ROBO2: variants seen among roughly 807,000 people sequenced by gnomAD.
The protein encoded by ROBO2 is roundabout homolog 2.
In ROBO2, 53 loss-of-function variants were observed where a neutral mutation model predicts 160.8. That is an observed-to-expected ratio of 0.33 (90% CI 0.26 to 0.41). The LOEUF is 0.41. Ranked by LOEUF, ROBO2 falls within the 10% of genes least tolerant of loss-of-function variation. The pLI is 1.00. For missense variants in ROBO2, 1,577 were observed against 1,722.4 expected (o/e 0.92, Z 1.49); for synonymous variants, 664 against 611.7 (o/e 1.09, Z -1.26).
chr3:76,684,419 A>G (rs1453931311), intron 2 of ROBO2, among the ~76,000 whole-genome samples: 1 of 152,128 alleles, frequency 6.6e-6, no homozygotes, highest in Non-Finnish European at 1.5e-5. Flanking sequence ...AGTTAATTCT[A>G]CTTCAATCCC....
intron 2 of ROBO2, among the ~76,000 whole-genome samples, chr3:77,426,380 C>A (rs2078207484): frequency 6.6e-6 from 1 of 151,948 alleles, no homozygotes; most frequent in African/African-American, 2.4e-5. Context: ...AGATGAGTTC[C>A]ACTTTGTATT....
At chr3:77,628,742 A>G (rs978246326) in intron 23 of ROBO2, among the ~76,000 whole-genome samples, 2 of 152,212 alleles carry the variant, frequency 1.3e-5, no homozygotes, top group Non-Finnish European at 2.9e-5. Flanking sequence ...AAAGAGAAGG[A>G]GAGAGAAAAT....
chr3:76,154,200 C>T (rs1051501175), intron 2 of ROBO2, among the ~76,000 whole-genome samples: 5 of 152,048 alleles, frequency 3.3e-5, no homozygotes, highest in Non-Finnish European at 5.9e-5. Context: ...CAGCAGCTTC[C>T]TCAGAAAAAG....
chr3:77,289,402 T>A (rs1463098773), intron 2 of ROBO2, among the ~76,000 whole-genome samples: 1 of 124,106 alleles, frequency 8.1e-6, no homozygotes, highest in South Asian at 2.7e-4. Flanking sequence ...AAAATTGACG[T>A]TTAAACGGGG....
At chr3:77,365,087 G>C (rs1265471785) in intron 2 of ROBO2, among the ~76,000 whole-genome samples, 1 of 150,622 alleles carries the variant, frequency 6.6e-6, no homozygotes, top group East Asian at 2.0e-4. Context: ...GGAGGTTGCA[G>C]TGAGCTGAGA....
chr3:76,925,224 A>AT (rs1274216655), intron 2 of ROBO2, among the ~76,000 whole-genome samples: 12 of 101,928 alleles, frequency 1.2e-4, no homozygotes, highest in South Asian at 1.1e-3. Context: ...AAAAAAAAAA[A>AT]AAAAAAATCT....
intron 2 of ROBO2, among the ~76,000 whole-genome samples, chr3:76,170,138 T>C (rs181192139): frequency 1.7e-3 from 264 of 152,212 alleles, no homozygotes; most frequent in Middle Eastern, 6.8e-3. Flanking sequence ...TTTTCTTCAG[T>C]CATTTTAAAG....
chr3:77,378,882 T>G (rs1012417263), intron 2 of ROBO2, among the ~76,000 whole-genome samples: 1 of 152,116 alleles, frequency 6.6e-6, no homozygotes, highest in African/African-American at 2.4e-5. Flanking sequence ...TGGCCATGCT[T>G]TCCCCAACCC....
At chr3:77,140,228 T>C (rs2076597400) in intron 2 of ROBO2, among the ~76,000 whole-genome samples, 1 of 152,180 alleles carries the variant, frequency 6.6e-6, no homozygotes, top group African/African-American at 2.4e-5. Context: ...TTCTTAAACC[T>C]AGCTGAGTTT....
At chr3:77,599,138 C>T (rs1449745940) in intron 19 of ROBO2, among the ~76,000 whole-genome samples, 6 of 151,982 alleles carry the variant, frequency 3.9e-5, no homozygotes, top group Non-Finnish European at 8.8e-5. Context: ...TGACTGTATC[C>T]CTTATCCATG....
intron 2 of ROBO2, among the ~76,000 whole-genome samples, chr3:76,253,588 A>T (rs1173256919): frequency 6.7e-6 from 1 of 150,306 alleles, no homozygotes; most frequent in Non-Finnish European, 1.5e-5. Flanking sequence ...GTAATATCTA[A>T]GATATTATCT....
At position 76,910,357 on chromosome 3, in the gene ROBO2, T is replaced by A. The variant is rs149699364; in HGVS notation, c.110-187657T>A. ...GGCTATTCAAATTCTTCTTTTTTTT[T>A]ATACACTTATGAAATGATGAGAAAG... On this transcript the variant is annotated intron_variant, in intron 2 of 26. Coordinates refer to the ROBO2 transcript ENST00000487694. 4.0e-3 allele frequency among the ~76,000 whole-genome samples: 609 copies of A among 152,182 alleles called. 6 individuals carry two copies. Among genetic ancestry groups the A allele is most frequent in the African/African-American group, 0.013 (535 of 41,444 alleles).
intron 2 of ROBO2, among the ~76,000 whole-genome samples, chr3:76,716,117 A>G (rs1375532297): frequency 6.6e-6 from 1 of 152,192 alleles, no homozygotes; most frequent in African/African-American, 2.4e-5. Flanking sequence ...TACTTTATTC[A>G]GTTTTAACAT....
chr3:76,700,352 C>G (rs1175097613), intron 2 of ROBO2, among the ~76,000 whole-genome samples: 4 of 152,096 alleles, frequency 2.6e-5, no homozygotes, highest in African/African-American at 4.8e-5. Flanking sequence ...ATCTTTTCCC[C>G]CCTTTCTTCC....
At chr3:77,023,733 T>C (rs67667630) in intron 2 of ROBO2, among the ~76,000 whole-genome samples, 8,549 of 152,226 alleles carry the variant, frequency 0.056, 274 homozygotes, top group Middle Eastern at 0.082. Context: ...AACATAAAAC[T>C]AGACAGAAAA....
rs1242958405 is a variant in ROBO2, at chr3:76,460,621, C to T, written c.109+523019C>T. 3.3e-5 allele frequency among the ~76,000 whole-genome samples: 5 copies of T among 152,316 alleles called. No individual in the cohort carries two copies. The East Asian group carries it at 5.8e-4, about 18-fold the overall frequency. ...GCTCTCCACCAACAAGGAACACCAA[C>T]TTGCCAGCCACGTGAGTGAGCCACG... On this transcript the variant is annotated intron_variant, in intron 2 of 26. Transcript: ENST00000487694.
At chr3:76,111,859 T>C (rs563861938) in intron 2 of ROBO2, among the ~76,000 whole-genome samples, 20 of 152,198 alleles carry the variant, frequency 1.3e-4, no homozygotes, top group East Asian at 3.9e-4. Context: ...AATCAAGTAA[T>C]GTATAAATGA....
intron 5 of ROBO2, among the ~76,000 whole-genome samples, chr3:77,505,069 A>G (rs1380581112): frequency 6.6e-6 from 1 of 152,232 alleles, no homozygotes; most frequent in African/African-American, 2.4e-5. Flanking sequence ...TTGTGGTTCT[A>G]TTATGAAACC....
At chr3:76,368,196 C>G (rs547106545) in intron 2 of ROBO2, among the ~76,000 whole-genome samples, 1 of 151,762 alleles carries the variant, frequency 6.6e-6, no homozygotes, top group South Asian at 2.1e-4. Flanking sequence ...GCTTTCTGTA[C>G]CTGTTTACAA....
Sources: allele counts gnomAD v4.1 joint callset (sites outside exome capture counted in the v4.1 genomes callset), GRCh38; gene constraint gnomAD v4.1.1; transcripts MANE v1.5; gene names NCBI Gene and HGNC (gene_info 2026-07-23, HGNC 2026-07-21).